The following DTNB variants were observed in gnomAD, a reference collection of about 807,000 sequenced individuals.
DTNB encodes dystrobrevin beta, also known as DTN-B.
In DTNB, 63 loss-of-function variants were observed where a neutral mutation model predicts 90.7. The observed-to-expected ratio is 0.69, with a 90% CI of 0.57 to 0.86. The LOEUF (loss-of-function observed/expected upper bound fraction) is 0.86. Ranked by LOEUF, DTNB falls within the 40% of genes least tolerant of loss-of-function variation. The pLI is 0.00. For missense variants in DTNB, 744 were observed against 807.1 expected, an observed-to-expected ratio of 0.92 and a Z score of 0.95; for synonymous variants, 277 against 286.7, an observed-to-expected ratio of 0.97 and a Z score of 0.34.
At chr2:25,579,559 AAGG>A (rs2061240712) in intron 7 of DTNB, among the ~76,000 whole-genome samples, 1 of 152,190 alleles carries the variant, frequency 6.6e-6, no homozygotes, top group South Asian at 2.1e-4. Flanking sequence ...CAACAACCTA[AAGG>A]AGGAGATAAA....
chr2:25,579,963 T>C (rs565221161), intron 7 of DTNB, among the ~76,000 whole-genome samples: 2 of 146,766 alleles, frequency 1.4e-5, no homozygotes, highest in South Asian at 2.2e-4. Context: ...ATATGACTAC[T>C]ATAGTATCCT....
At chr2:25,651,568 C>G (rs1268637231) in intron 2 of DTNB, among the ~76,000 whole-genome samples, 1 of 152,178 alleles carries the variant, frequency 6.6e-6, no homozygotes, top group African/African-American at 2.4e-5. Flanking sequence ...ACTGCCTATC[C>G]AATGCCAAAA....
At chr2:25,587,896 A>G (rs916304086) in intron 6 of DTNB, among the ~76,000 whole-genome samples, 6 of 152,098 alleles carry the variant, frequency 3.9e-5, no homozygotes, top group Non-Finnish European at 7.4e-5. Flanking sequence ...TGTAAGACAC[A>G]CCATTATTTT....
chr2:25,451,947 T>C (rs2150130289), intron 11 of DTNB, among the ~76,000 whole-genome samples: 1 of 152,330 alleles, frequency 6.6e-6, no homozygotes, highest in South Asian at 2.1e-4. Context: ...TCTAACCAAA[T>C]GTTTAAAACT....
intron 3 of DTNB, among the ~76,000 whole-genome samples, chr2:25,638,691 C>A (rs1020800168): frequency 2.6e-5 from 4 of 152,126 alleles, no homozygotes; most frequent in Non-Finnish European, 4.4e-5. Context: ...CATTGTTTTT[C>A]TTTTCCTCCA....
chr2:25,378,656 A>G (rs2036597825), intron 20 of DTNB, among the ~76,000 whole-genome samples: 1 of 152,164 alleles, frequency 6.6e-6, no homozygotes, highest in East Asian at 1.9e-4. Flanking sequence ...AGAAAGAATT[A>G]AGGTGTTGAG....
At chr2:25,538,245 A>ATT (rs1317730665) in intron 8 of DTNB, among the ~76,000 whole-genome samples, 2 of 151,984 alleles carry the variant, frequency 1.3e-5, no homozygotes, top group Non-Finnish European at 2.9e-5. Flanking sequence ...AAATATATAT[A>ATT]TATCCAAACA....
chr2:25,516,760 G>A (rs939567496), intron 9 of DTNB, among the ~76,000 whole-genome samples: 1 of 151,720 alleles, frequency 6.6e-6, no homozygotes. Context: ...CGTGGTGGTG[G>A]GCGCCTGTAA....
intron 10 of DTNB, among the ~76,000 whole-genome samples, chr2:25,465,787 A>C (rs1240207567): frequency 1.3e-5 from 2 of 152,180 alleles, no homozygotes; most frequent in Non-Finnish European, 2.9e-5. Flanking sequence ...ATCCAATCTA[A>C]AACCTGAAAC....
At chr2:25,406,333 A>C (rs978977511) in intron 16 of DTNB, among the ~76,000 whole-genome samples, 3 of 152,100 alleles carry the variant, frequency 2.0e-5, no homozygotes, top group African/African-American at 7.2e-5. Flanking sequence ...AAACATCCTT[A>C]ACAGCCTGAC....
rs2074857395 is a variant in DTNB at position 25,628,272 on chromosome 2, G to A, written c.261C>T (p.Ser87=). ...SVSRLETVIS[S]IYYQLNKRLP... ...GGCGCTTGTTCAACTGATAGTAGAT[G>A]GAGGAGATGACAGTTTCGAGGCGGG... is the stretch of plus-strand genomic sequence containing the variant. Residue 87 remains serine (S), a synonymous_variant, in exon 4 of 21, where the codon TCC becomes TCT. Coordinates refer to ENST00000406818, the MANE Select transcript of DTNB (RefSeq NM_021907.5). 3 of 1,613,566 alleles carry A rather than the reference G, an allele frequency of 1.9e-6. No homozygotes were observed. The South Asian group carries it at 3.3e-5, about 18-fold the overall frequency.
intron 8 of DTNB, among the ~76,000 whole-genome samples, chr2:25,554,902 C>T (rs1479023609): frequency 1.3e-5 from 2 of 151,988 alleles, no homozygotes; most frequent in Non-Finnish European, 2.9e-5. Context: ...ATACTAAACA[C>T]CAAATTTAAA....
intron 16 of DTNB, among the ~76,000 whole-genome samples, chr2:25,413,488 T>A (rs1347792778): frequency 6.7e-6 from 1 of 149,508 alleles, no homozygotes; most frequent in Non-Finnish European, 1.5e-5. Flanking sequence ...ACTGTTCAAT[T>A]CCCACCTATG....
At position 25,560,928 on chromosome 2, in the gene DTNB, C is replaced by T. The variant is rs2058168329; in HGVS notation, c.876+15910G>A. 2.0e-5 allele frequency among the ~76,000 whole-genome samples: 3 copies of T among 152,244 alleles called. No individual in the cohort carries two copies. The South Asian group carries it at 6.2e-4, about 32-fold the overall frequency. On this transcript the variant is annotated intron_variant, in intron 8 of 20. Coordinates refer to ENST00000406818, the MANE Select transcript of DTNB (RefSeq NM_021907.5). ...CTAATATATCTGTTAATACATATGTCCTCTCTGAATTCTTCTTCAGCAACT... is the reference window on the plus strand; with the variant it reads ...CTAATATATCTGTTAATACATATGTTCTCTCTGAATTCTTCTTCAGCAACT...
At chr2:25,409,361 A>C (rs1465930659) in intron 16 of DTNB, among the ~76,000 whole-genome samples, 1 of 152,218 alleles carries the variant, frequency 6.6e-6, no homozygotes, top group East Asian at 1.9e-4. Flanking sequence ...GAAAGGATCC[A>C]AAAACTGTGG....
chr2:25,379,216 G>C, intron 20 of DTNB, 74 bp downstream of exon 20: 2 of 1,276,410 alleles, frequency 1.6e-6, no homozygotes, highest in Non-Finnish European at 2.0e-6. Context: ...TGTGACTGCA[G>C]GAAGGGAGGG....
rs772712382 is a variant in DTNB at position 25,628,264 on chromosome 2, T to C, written c.269A>G (p.Tyr90Cys). The C allele has an allele frequency of 3.0e-5, 48 of 1,612,982 alleles. No individual in the cohort carries two copies. The highest frequency in any genetic ancestry group is 3.3e-4 in the Middle Eastern group (2 of 6,082). The change falls in exon 4 of 21, where the codon TAT becomes TGT. Residue 90 changes from tyrosine to cysteine, a missense_variant. Tyr to Cys is a radical substitution (Grantham distance 194). Coordinates refer to ENST00000406818, the MANE Select transcript of DTNB (RefSeq NM_021907.5). The stretch of plus-strand genomic sequence containing the variant: ...AGAAGGAAGGCGCTTGTTCAACTGA[T>C]AGTAGATGGAGGAGATGACAGTTTC... Reference protein sequence around the residue: ...RLETVISSIYYQLNKRLPSTH... With the variant: ...RLETVISSIYCQLNKRLPSTH...
intron 10 of DTNB, among the ~76,000 whole-genome samples, chr2:25,467,556 G>A (rs1020379980): frequency 6.6e-6 from 1 of 151,940 alleles, no homozygotes; most frequent in Non-Finnish European, 1.5e-5. Context: ...CTCCCACCCT[G>A]ACCTCCCAAA....
intron 19 of DTNB, among the ~76,000 whole-genome samples, chr2:25,383,128 A>C (rs2038360317): frequency 6.6e-6 from 1 of 151,980 alleles, no homozygotes; most frequent in African/African-American, 2.4e-5. Flanking sequence ...CCTTTTCAGA[A>C]ACCCTTATTA....
Sources: allele counts gnomAD v4.1 joint callset (sites outside exome capture counted in the v4.1 genomes callset), GRCh38; gene constraint gnomAD v4.1.1; transcripts MANE v1.5; gene names NCBI Gene and HGNC (gene_info 2026-07-23, HGNC 2026-07-21).